EYS: variants seen among roughly 807,000 people sequenced by gnomAD.
EYS encodes protein eyes shut homolog.
EYS carries 250 observed loss-of-function variants against 282.1 expected under a neutral mutation model. The observed-to-expected ratio is 0.89, with a 90% CI of 0.80 to 0.98. The LOEUF (loss-of-function observed/expected upper bound fraction) is 0.98, where lower values mean the gene tolerates loss of function less well. Among genes scored for constraint, EYS ranks in the 50% least tolerant of loss-of-function variants. The pLI is 0.00. For synonymous variants in EYS, 1,355 were observed against 1,282.9 expected, an observed-to-expected ratio of 1.06 and a Z score of -1.20; for missense variants, 4,016 against 3,709.0, an observed-to-expected ratio of 1.08 and a Z score of -2.15.
intron 36 of EYS, among the ~76,000 whole-genome samples, chr6:63,837,734 G>C (rs1297043912): frequency 6.6e-6 from 1 of 152,062 alleles, no homozygotes; most frequent in Non-Finnish European, 1.5e-5. Flanking sequence ...TTATTATTTT[G>C]TTTAGGATTT....
intron 28 of EYS, among the ~76,000 whole-genome samples, chr6:64,392,811 A>T (rs1227881781): frequency 1.3e-5 from 2 of 151,620 alleles, no homozygotes; most frequent in African/African-American, 2.4e-5. Context: ...GACACAAAAA[A>T]CCCTTCAAAA....
chr6:64,803,684 C>T (rs1382463931), intron 22 of EYS, among the ~76,000 whole-genome samples: 1 of 152,200 alleles, frequency 6.6e-6, no homozygotes, highest in Admixed American at 6.5e-5. Context: ...TCCCCTTGGC[C>T]TCCCTCTTGT....
intron 15 of EYS, among the ~76,000 whole-genome samples, chr6:64,931,205 A>G (rs1768711847): frequency 6.6e-6 from 1 of 152,164 alleles, no homozygotes; most frequent in Non-Finnish European, 1.5e-5. Flanking sequence ...CTCAAGGAAT[A>G]TAAGCATATG....
chr6:64,422,009 A>G (rs1478988566), intron 28 of EYS, among the ~76,000 whole-genome samples: 3 of 152,010 alleles, frequency 2.0e-5, no homozygotes, highest in African/African-American at 4.8e-5. Flanking sequence ...AAGTGAGGGA[A>G]GGGGTAGAAT....
chr6:64,531,499 G>A (rs1165988812), intron 26 of EYS, among the ~76,000 whole-genome samples: 1 of 150,228 alleles, frequency 6.7e-6, no homozygotes, highest in Non-Finnish European at 1.5e-5. Flanking sequence ...CCATTCTCCT[G>A]CCTCAGCCTC....
intron 1 of EYS, among the ~76,000 whole-genome samples, chr6:65,663,716 C>G (rs1356632737): frequency 3.9e-5 from 6 of 152,132 alleles, no homozygotes; most frequent in Admixed American, 6.5e-5. Flanking sequence ...GAGTCTCGCT[C>G]TCTTGCCCAG....
intron 22 of EYS, among the ~76,000 whole-genome samples, chr6:64,810,042 A>G (rs1764546638): frequency 6.6e-6 from 1 of 152,246 alleles, no homozygotes; most frequent in African/African-American, 2.4e-5. Context: ...AAGAAGTGTG[A>G]TATACAATAT....
chr6:65,496,577 G>A (rs77732107), intron 2 of EYS, among the ~76,000 whole-genome samples: 179 of 152,184 alleles, frequency 1.2e-3, no homozygotes, highest in African/African-American at 4.2e-3. Flanking sequence ...GGCAACCTGA[G>A]ATTTAATTCT....
chr6:64,690,044 T>G (rs1770315467), intron 22 of EYS, among the ~76,000 whole-genome samples: 1 of 151,832 alleles, frequency 6.6e-6, no homozygotes, highest in Non-Finnish European at 1.5e-5. Flanking sequence ...ACAGGCAACC[T>G]ACAGAATGGG....
intron 31 of EYS, among the ~76,000 whole-genome samples, chr6:64,098,451 A>T (rs894072836): frequency 6.6e-6 from 1 of 152,070 alleles, no homozygotes; most frequent in Non-Finnish European, 1.5e-5. Flanking sequence ...TTTTAGAAAA[A>T]ATAAAATAAT....
intron 1 of EYS, among the ~76,000 whole-genome samples, chr6:65,666,378 TTTC>T (rs1173147858): frequency 1.8e-4 from 27 of 152,006 alleles, no homozygotes. Flanking sequence ...CCCATCTCCA[TTTC>T]TTATTTGCTT....
intron 12 of EYS, among the ~76,000 whole-genome samples, chr6:65,069,873 C>G (rs1489902932): frequency 6.6e-6 from 1 of 151,808 alleles, no homozygotes; most frequent in Non-Finnish European, 1.5e-5. Flanking sequence ...TTTATATTTT[C>G]CAATATAAAT....
intron 12 of EYS, among the ~76,000 whole-genome samples, chr6:65,232,198 T>C (rs1766800399): frequency 6.6e-6 from 1 of 152,020 alleles, no homozygotes; most frequent in Admixed American, 6.6e-5. Context: ...TCTGTATTTG[T>C]GCACCATTGC....
intron 31 of EYS, among the ~76,000 whole-genome samples, chr6:64,201,165 A>C (rs1765451472): frequency 1.3e-5 from 2 of 152,320 alleles, no homozygotes; most frequent in South Asian, 4.1e-4. Context: ...AGAATTATCC[A>C]TTCAAGTAAG....
chr6:65,394,036 A>C (rs1271452109), intron 7 of EYS, among the ~76,000 whole-genome samples: 2 of 152,152 alleles, frequency 1.3e-5, no homozygotes, highest in Non-Finnish European at 2.9e-5. Flanking sequence ...GTTTTCTCCC[A>C]ATTAATTTGG....
At chr6:63,943,081 T>A (rs1284649450) in intron 35 of EYS, among the ~76,000 whole-genome samples, 1 of 152,246 alleles carries the variant, frequency 6.6e-6, no homozygotes, top group Non-Finnish European at 1.5e-5. Context: ...AAGCTATTAG[T>A]AGTTACGCTT....
At chr6:65,470,507 A>T (rs1182222490) in intron 5 of EYS, among the ~76,000 whole-genome samples, 1 of 152,134 alleles carries the variant, frequency 6.6e-6, no homozygotes, top group Non-Finnish European at 1.5e-5. Flanking sequence ...ATATACATTC[A>T]ATTTTTTTGC....
intron 14 of EYS, among the ~76,000 whole-genome samples, chr6:64,976,290 T>C (rs1201830294): frequency 2.6e-5 from 4 of 151,940 alleles, no homozygotes; most frequent in Admixed American, 6.6e-5. Context: ...ATAAGAAATA[T>C]TCAAAGTGCC....
intron 22 of EYS, among the ~76,000 whole-genome samples, chr6:64,792,568 C>A (rs184033083): frequency 6.6e-6 from 1 of 151,928 alleles, no homozygotes; most frequent in Admixed American, 6.6e-5. Context: ...AATATGAGAT[C>A]AATTGCCATT....
Sources: gnomAD v4.1 joint callset for allele counts (sites outside exome capture counted in the v4.1 genomes callset) on GRCh38, gnomAD v4.1.1 for gene constraint, MANE v1.5 for transcripts, NCBI Gene and HGNC (gene_info 2026-07-23, HGNC 2026-07-21) for gene names.